The following CTNNA2 variants were observed in gnomAD, a reference collection of about 807,000 sequenced individuals.
CTNNA2 encodes the protein catenin alpha-2.
A neutral mutation model predicts 101.0 loss-of-function variants in CTNNA2; 42 were observed. The ratio of observed to expected loss-of-function variants is 0.42; its 90% CI spans 0.32 to 0.54. The LOEUF is 0.54. CTNNA2 is among the 20% of genes least tolerant of loss of function. CTNNA2 has a pLI of 0.14. For missense variants in CTNNA2, 871 were observed against 1,223.1 expected, an observed-to-expected ratio of 0.71 and a Z score of 4.29; for synonymous variants, 450 against 456.4, an observed-to-expected ratio of 0.99 and a Z score of 0.18.
intron 4 of CTNNA2, among the ~76,000 whole-genome samples, chr2:79,384,957 T>C (rs1447645720): frequency 1.3e-5 from 2 of 152,200 alleles, no homozygotes; most frequent in African/African-American, 2.4e-5. Flanking sequence ...GGCAATCACA[T>C]TTTTTATCCT....
In CTNNA2 at chr2:80,274,906, C is replaced by A. The variant is rs150305778; in HGVS notation, c.1057-118305C>A. 7.2e-5 allele frequency among the ~76,000 whole-genome samples: 11 copies of A among 152,252 alleles called. No homozygotes were observed. The East Asian group carries it at 1.4e-3, about 19-fold the overall frequency. ...TTGCACATACCTTTGTTGCGACTGACCTTATCATACCATAATGATTTGTTG... is the reference window on the plus strand; with the variant it reads ...TTGCACATACCTTTGTTGCGACTGAACTTATCATACCATAATGATTTGTTG... On this transcript the variant is annotated intron_variant, in intron 7 of 18. Transcript: ENST00000402739.
intron 7 of CTNNA2, 73 bp from the exon 8 acceptor site, chr2:80,393,138 T>A: frequency 8.6e-7 from 1 of 1,157,962 alleles, no homozygotes. Context: ...CATGTTTTCC[T>A]GATTTTTTTA....
At chr2:79,334,990 T>TC (rs1348285558) in intron 3 of CTNNA2, among the ~76,000 whole-genome samples, 2 of 151,994 alleles carry the variant, frequency 1.3e-5, no homozygotes, top group Non-Finnish European at 2.9e-5. Flanking sequence ...TTTACTGCCC[T>TC]CCCCCACCGC....
chr2:80,070,831 C>T (rs1698294372), intron 7 of CTNNA2, among the ~76,000 whole-genome samples: 1 of 152,140 alleles, frequency 6.6e-6, no homozygotes, highest in Non-Finnish European at 1.5e-5. Flanking sequence ...CTTCTTCCAG[C>T]TGCTGGTGGC....
chr2:80,611,224 T>C (rs1698443505), intron 17 of CTNNA2, among the ~76,000 whole-genome samples: 1 of 151,608 alleles, frequency 6.6e-6, no homozygotes, highest in Non-Finnish European at 1.5e-5. Flanking sequence ...ATTTATTTGC[T>C]TAGTTTAATG....
chr2:79,244,760 G>T (rs1206077729), intron 2 of CTNNA2, among the ~76,000 whole-genome samples: 1 of 152,154 alleles, frequency 6.6e-6, no homozygotes, highest in Non-Finnish European at 1.5e-5. Context: ...TTGAATAAAT[G>T]TATGAAAACC....
At chr2:80,354,483 G>A (rs1316149723) in intron 7 of CTNNA2, among the ~76,000 whole-genome samples, 1 of 152,150 alleles carries the variant, frequency 6.6e-6, no homozygotes. Flanking sequence ...CTTTAGGGTG[G>A]TGTGGATTTC....
chr2:80,627,196 T>C (rs1169671751), intron 18 of CTNNA2, among the ~76,000 whole-genome samples: 2 of 152,144 alleles, frequency 1.3e-5, no homozygotes, highest in Non-Finnish European at 2.9e-5. Flanking sequence ...TGTGTCTTTA[T>C]AGTAAAATGA....
intron 7 of CTNNA2, among the ~76,000 whole-genome samples, chr2:80,145,111 A>G (rs1703255171): frequency 6.6e-6 from 1 of 152,202 alleles, no homozygotes; most frequent in Non-Finnish European, 1.5e-5. Context: ...GAAACTGTAA[A>G]TGCATGCAAT....
At chr2:80,402,505 C>T (rs183884437) in intron 8 of CTNNA2, among the ~76,000 whole-genome samples, 1 of 152,106 alleles carries the variant, frequency 6.6e-6, no homozygotes, top group Non-Finnish European at 1.5e-5. Flanking sequence ...AAAATTGCCT[C>T]ATTAGAATAA....
At chr2:80,166,571 G>A (rs564598140) in intron 7 of CTNNA2, among the ~76,000 whole-genome samples, 3 of 152,292 alleles carry the variant, frequency 2.0e-5, no homozygotes, top group Admixed American at 6.5e-5. Context: ...CTGTTTCTGA[G>A]TTGTATCCTT....
At chr2:80,023,270 G>C (rs533800949) in intron 7 of CTNNA2, among the ~76,000 whole-genome samples, 1 of 152,092 alleles carries the variant, frequency 6.6e-6, no homozygotes, top group Non-Finnish European at 1.5e-5. Flanking sequence ...GCATTAGTGC[G>C]AGCTAATGGC....
intron 7 of CTNNA2, among the ~76,000 whole-genome samples, chr2:80,250,552 A>G (rs1036264237): frequency 1.6e-4 from 25 of 152,100 alleles, no homozygotes; most frequent in African/African-American, 5.3e-4. Flanking sequence ...GGCTCCATTC[A>G]ATGGAGCAGA....
chr2:79,636,733 C>G (rs1423715244), intron 1 of CTNNA2: 3 of 151,850 alleles, frequency 2.0e-5, no homozygotes, highest in Admixed American at 1.3e-4. Flanking sequence ...AAGAATCACC[C>G]TAAATCCCAC....
chr2:80,383,298 A>C (rs577561345), intron 7 of CTNNA2, among the ~76,000 whole-genome samples: 4 of 152,156 alleles, frequency 2.6e-5, no homozygotes, highest in African/African-American at 4.8e-5. Flanking sequence ...ATATTTTCCA[A>C]ATCATCTATC....
At chr2:80,132,792 TG>T (rs1290410694) in intron 7 of CTNNA2, among the ~76,000 whole-genome samples, 2 of 152,206 alleles carry the variant, frequency 1.3e-5, no homozygotes, top group Non-Finnish European at 2.9e-5. Flanking sequence ...ATATTTGACA[TG>T]TTCTATAGAA....
chr2:79,383,200 G>C (rs963190963), intron 4 of CTNNA2, among the ~76,000 whole-genome samples: 2 of 152,216 alleles, frequency 1.3e-5, no homozygotes, highest in Non-Finnish European at 2.9e-5. Context: ...TTTCAGAATA[G>C]AGTTTTCATT....
At chr2:79,362,150 G>A (rs891454687) in intron 3 of CTNNA2, among the ~76,000 whole-genome samples, 2 of 152,162 alleles carry the variant, frequency 1.3e-5, no homozygotes, top group African/African-American at 4.8e-5. Context: ...TAAGCCAGCT[G>A]TGCCAACCAG....
intron 6 of CTNNA2, among the ~76,000 whole-genome samples, chr2:79,882,019 A>C (rs953240323): frequency 4.6e-5 from 7 of 151,846 alleles, no homozygotes; most frequent in African/African-American, 1.7e-4. Flanking sequence ...AAAATCTCTC[A>C]GCATTTGCTT....
Sources: allele counts gnomAD v4.1 joint callset (sites outside exome capture counted in the v4.1 genomes callset), GRCh38; gene constraint gnomAD v4.1.1; transcripts MANE v1.5; gene names NCBI Gene and HGNC (gene_info 2026-07-23, HGNC 2026-07-21).